The following TRPM3 variants were observed in gnomAD, a reference collection of about 807,000 sequenced individuals.
TRPM3 encodes the protein transient receptor potential cation channel subfamily M member 3.
Under a neutral mutation model 181.2 loss-of-function variants are expected in TRPM3, and 77 were observed. The ratio of observed to expected loss-of-function variants is 0.42; its 90% CI spans 0.35 to 0.51. The LOEUF is 0.51. TRPM3 is among the 20% of genes least tolerant of loss of function. The probability of loss-of-function intolerance (pLI) is 0.01; values close to 1 mark genes in which losing one functional copy is unlikely to be tolerated. For synonymous variants in TRPM3, 745 were observed against 796.4 expected (o/e 0.94, Z 1.09); for missense variants, 1,759 against 2,196.7 (o/e 0.80, Z 3.98).
intron 1 of TRPM3, among the ~76,000 whole-genome samples, chr9:70,979,864 C>T (rs948141729): frequency 6.6e-6 from 1 of 152,070 alleles, no homozygotes; most frequent in Non-Finnish European, 1.5e-5. Context: ...ACTGTGTCCT[C>T]ACTTGGTGGG....
chr9:70,660,611 C>T (rs2060989526), intron 9 of TRPM3, among the ~76,000 whole-genome samples: 2 of 152,050 alleles, frequency 1.3e-5, no homozygotes, highest in African/African-American at 4.8e-5. Flanking sequence ...TCTAAATTAG[C>T]TGAGACCTGT....
chr9:70,952,422 C>G (rs2097014029), intron 1 of TRPM3, among the ~76,000 whole-genome samples: 1 of 152,150 alleles, frequency 6.6e-6, no homozygotes, highest in Admixed American at 6.5e-5. Flanking sequence ...ACTTCTTACA[C>G]TGGAATAAAA....
chr9:71,309,137 C>T (rs556382732), intron 1 of TRPM3, among the ~76,000 whole-genome samples: 83 of 152,190 alleles, frequency 5.5e-4, no homozygotes, highest in African/African-American at 1.9e-3. Context: ...TAATGTGCAT[C>T]GAGTAGTGTT....
At chr9:71,129,636 T>C (rs765956533) in intron 1 of TRPM3, among the ~76,000 whole-genome samples, 1 of 152,226 alleles carries the variant, frequency 6.6e-6, no homozygotes, top group Non-Finnish European at 1.5e-5. Flanking sequence ...TATCTTATTC[T>C]ATAACCCATG....
chr9:71,192,741 C>A (rs778147406), intron 1 of TRPM3, among the ~76,000 whole-genome samples: 1 of 151,820 alleles, frequency 6.6e-6, no homozygotes, highest in Non-Finnish European at 1.5e-5. Context: ...TTTTGCTATG[C>A]ATAAACTTTT....
intron 1 of TRPM3, among the ~76,000 whole-genome samples, chr9:71,241,154 T>A (rs1311261481): frequency 2.6e-5 from 4 of 152,170 alleles, no homozygotes; most frequent in African/African-American, 9.7e-5. Flanking sequence ...ATAGTTCGTC[T>A]AAGTGCAACA....
At chr9:70,933,252 C>A (rs571798299) in intron 1 of TRPM3, among the ~76,000 whole-genome samples, 5 of 151,468 alleles carry the variant, frequency 3.3e-5, no homozygotes, top group Non-Finnish European at 1.5e-5. Context: ...TCCAGAGTGG[C>A]GATAGTAAAT....
intron 9 of TRPM3, among the ~76,000 whole-genome samples, chr9:70,659,269 C>G (rs1197221336): frequency 1.3e-5 from 2 of 152,074 alleles, no homozygotes; most frequent in Non-Finnish European, 2.9e-5. Context: ...GGCCTCATAC[C>G]TTGTTTACAC....
intron 1 of TRPM3, chr9:70,868,966 G>T: frequency 1.0e-6 from 1 of 984,198 alleles, no homozygotes; most frequent in Non-Finnish European, 1.2e-6. Context: ...CAAGAGAAAA[G>T]TTAGCTGAAA....
At chr9:70,860,695 T>C (rs1373894200) in intron 3 of TRPM3, among the ~76,000 whole-genome samples, 1 of 152,196 alleles carries the variant, frequency 6.6e-6, no homozygotes, top group Non-Finnish European at 1.5e-5. Context: ...AAATAAAATA[T>C]AAGATATGTG....
chr9:70,876,645 C>T (rs2095873914), intron 1 of TRPM3, among the ~76,000 whole-genome samples: 2 of 151,794 alleles, frequency 1.3e-5, no homozygotes. Context: ...GTTTTCCCAC[C>T]ATCTCACCCT....
intron 1 of TRPM3, among the ~76,000 whole-genome samples, chr9:70,878,706 T>G (rs1757418784): frequency 6.6e-6 from 1 of 152,098 alleles, no homozygotes; most frequent in Admixed American, 6.6e-5. Context: ...ACTCTTATCA[T>G]TCACAAACAG....
rs561794464 is a variant in TRPM3 at position 70,980,344 on chromosome 9, C to T, written c.178-115833G>A. ...AGGATGGGAGGAGCAGAGGGAGCAG[C>T]AGCATGATCACAGTCAGAAGGGGGA... is the stretch of plus-strand genomic sequence containing the variant. On this transcript the variant is annotated intron_variant, in intron 1 of 25. Transcript: ENST00000677713. 2.1e-3 allele frequency among the ~76,000 whole-genome samples: 321 copies of T among 151,698 alleles called. 1 individual carries two copies. Among genetic ancestry groups the T allele is most frequent in the Middle Eastern group, 3.4e-3 (1 of 294 alleles).
intron 6 of TRPM3, among the ~76,000 whole-genome samples, chr9:70,820,896 A>T (rs2093110653): frequency 6.6e-6 from 1 of 152,066 alleles, no homozygotes. Flanking sequence ...ACAGACAAAG[A>T]CTTCCTCTTC....
chr9:71,440,849 A>G (rs1220416858), intron 1 of TRPM3, among the ~76,000 whole-genome samples: 1 of 152,244 alleles, frequency 6.6e-6, no homozygotes, highest in East Asian at 1.9e-4. Context: ...TAAAAGCAAC[A>G]CATGGAAGAC....
chr9:71,282,938 C>G (rs1436269452), intron 1 of TRPM3, among the ~76,000 whole-genome samples: 1 of 152,104 alleles, frequency 6.6e-6, no homozygotes, highest in Non-Finnish European at 1.5e-5. Context: ...CTTTCTCAGT[C>G]TCACTTTTAG....
intron 17 of TRPM3, among the ~76,000 whole-genome samples, chr9:70,616,337 AAAG>A (rs2062771634): frequency 6.6e-6 from 1 of 152,094 alleles, no homozygotes; most frequent in Admixed American, 6.5e-5. Context: ...TTGGAGGAAA[AAAG>A]CATTTTGCCC....
intron 1 of TRPM3, among the ~76,000 whole-genome samples, chr9:70,991,419 G>A (rs950194680): frequency 1.2e-4 from 18 of 152,130 alleles, no homozygotes; most frequent in Admixed American, 3.3e-4. Context: ...TCAAAATTAC[G>A]ATAGTTATTA....
intron 1 of TRPM3, among the ~76,000 whole-genome samples, chr9:71,078,264 G>T (rs577515563): frequency 4.6e-5 from 7 of 152,062 alleles, no homozygotes; most frequent in Non-Finnish European, 7.4e-5. Context: ...ACAGAGAAGG[G>T]TATCTTTGTG....
Sources: allele counts gnomAD v4.1 joint callset (sites outside exome capture counted in the v4.1 genomes callset), GRCh38; gene constraint gnomAD v4.1.1; transcripts MANE v1.5; gene names NCBI Gene and HGNC (gene_info 2026-07-23, HGNC 2026-07-21).